NPIPB2: variants seen among roughly 807,000 people sequenced by gnomAD.
NPIPB2 encodes the protein nuclear pore complex interacting protein family member B2, also known as nuclear pore complex-interacting protein family member B2.
A neutral mutation model predicts 30.8 loss-of-function variants in NPIPB2; 27 were observed. That is an observed-to-expected ratio of 0.88 (90% CI 0.65 to 1.21). NPIPB2 has a LOEUF of 1.21. Ranked by LOEUF, NPIPB2 falls within the 50% of genes most tolerant of loss-of-function variation. NPIPB2 has a pLI of 0.00. For synonymous variants in NPIPB2, 147 were observed against 162.0 expected (o/e 0.91, Z 0.70); for missense variants, 440 against 446.2 (o/e 0.99, Z 0.13).
exon 4 of NPIPB2, chr16:11,933,705 C>T (rs758022842): frequency 3.8e-6 from 6 of 1,596,838 alleles, no homozygotes. Context: ...TACAAATGGA[C>T]CTCAGCCCTT....
At chr16:11,927,920 T>C in intron 7 of NPIPB2, 41 bp from the exon 8 acceptor site, 1 of 853,094 alleles carries the variant, frequency 1.2e-6, no homozygotes, top group South Asian at 1.8e-5. Flanking sequence ...ACATATTCAT[T>C]TGATGGACAA....
intron 1 of NPIPB2, among the ~76,000 whole-genome samples, chr16:11,940,866 G>A (rs2054929586): frequency 2.0e-5 from 3 of 149,928 alleles, no homozygotes; most frequent in African/African-American, 4.9e-5. Flanking sequence ...AGAGTGCAGC[G>A]GGGCCATCTC....
intron 1 of NPIPB2, among the ~76,000 whole-genome samples, chr16:11,951,666 A>ACACACACACACACACACACAC (rs1226047972): frequency 7.2e-6 from 1 of 138,874 alleles, no homozygotes; most frequent in Non-Finnish European, 1.6e-5. Context: ...ACACACACAC[A>ACACACACACACACACACACAC]CCCAGCCCCC....
chr16:11,975,143 T>TTTCTTTC (rs1239008774), intron 1 of NPIPB2, among the ~76,000 whole-genome samples: 1 of 52,764 alleles, frequency 1.9e-5, no homozygotes, highest in African/African-American at 7.7e-5. Context: ...TCCATCACCT[T>TTTCTTTC]TTTTTTTTTT....
intron 1 of NPIPB2, among the ~76,000 whole-genome samples, chr16:11,952,609 G>C (rs2055077792): frequency 6.7e-6 from 1 of 148,548 alleles, no homozygotes; most frequent in African/African-American, 2.5e-5. Context: ...CTGTCACCCA[G>C]GCTGAAGTGC....
chr16:11,966,150 ATTATG>A (rs760399024), intron 1 of NPIPB2: 27 of 1,534,720 alleles, frequency 1.8e-5, no homozygotes, highest in South Asian at 8.6e-5. Flanking sequence ...GTATGTGAAT[ATTATG>A]TTATCAGCTC....
At chr16:11,974,248 T>C (rs1272302204) in intron 1 of NPIPB2, among the ~76,000 whole-genome samples, 1 of 152,164 alleles carries the variant, frequency 6.6e-6, no homozygotes, top group Non-Finnish European at 1.5e-5. Flanking sequence ...CTGGGGTTGG[T>C]GGCTCATGCC....
intron 1 of NPIPB2, among the ~76,000 whole-genome samples, chr16:11,950,444 A>G (rs35063476): frequency 0.27 from 40,845 of 152,074 alleles, 6,656 homozygotes; most frequent in East Asian, 0.58. Flanking sequence ...TGCTGAGGTT[A>G]TAGGCCTGAA....
intron 1 of NPIPB2, among the ~76,000 whole-genome samples, chr16:11,961,763 G>C (rs944001087): frequency 6.8e-6 from 1 of 147,300 alleles, no homozygotes; most frequent in African/African-American, 2.5e-5. Context: ...CTGGGTGACA[G>C]AGTGAGACCC....
chr16:11,971,752 C>T (rs749399002), intron 1 of NPIPB2, among the ~76,000 whole-genome samples: 6 of 152,064 alleles, frequency 3.9e-5, no homozygotes, highest in East Asian at 1.9e-4. Context: ...TCCTCAGCCT[C>T]GCAAAGTGCT....
chr16:11,969,730 A>C (rs1391815079), intron 1 of NPIPB2, among the ~76,000 whole-genome samples: 2 of 152,210 alleles, frequency 1.3e-5, no homozygotes, highest in African/African-American at 4.8e-5. Context: ...GTGTAATCGC[A>C]AACTGTGATA....
chr16:11,938,838 T>G (rs2150915762), intron 1 of NPIPB2, among the ~76,000 whole-genome samples: 1 of 152,196 alleles, frequency 6.6e-6, no homozygotes, highest in Non-Finnish European at 1.5e-5. Flanking sequence ...AACCTCCGCC[T>G]CCCGGGTTCA....
intron 1 of NPIPB2, among the ~76,000 whole-genome samples, chr16:11,972,656 T>C (rs1269170357): frequency 7.0e-6 from 1 of 143,022 alleles, no homozygotes; most frequent in Non-Finnish European, 1.5e-5. Flanking sequence ...AGGCAGATCA[T>C]GAAGTCAAGA....
chr16:11,944,717 G>C (rs2054984841), upstream of NPIPB2, among the ~76,000 whole-genome samples: 1 of 97,322 alleles, frequency 1.0e-5, no homozygotes, highest in African/African-American at 4.1e-5. Context: ...AAGCAGAGAT[G>C]ACACAGACTC....
intron 4 of NPIPB2, among the ~76,000 whole-genome samples, chr16:11,932,364 A>T (rs1015560702): frequency 8.0e-5 from 12 of 150,024 alleles, no homozygotes; most frequent in African/African-American, 2.9e-4. Flanking sequence ...CAAGCATTGA[A>T]TTCAACAATC....
chr16:11,944,952 G>A (rs1218072063), upstream of NPIPB2, among the ~76,000 whole-genome samples: 1 of 151,510 alleles, frequency 6.6e-6, no homozygotes, highest in Non-Finnish European at 1.5e-5. Flanking sequence ...GTTGAGGTGG[G>A]TGGATCACCT....
At chr16:11,946,197 C>T (rs900156541), upstream of NPIPB2, among the ~76,000 whole-genome samples, 5 of 151,658 alleles carry the variant, frequency 3.3e-5, no homozygotes, top group South Asian at 4.1e-4. Flanking sequence ...ACCAGCCTGA[C>T]CAACATGTAG....
intron 1 of NPIPB2, among the ~76,000 whole-genome samples, chr16:11,947,707 T>C (rs550220559): frequency 5.9e-5 from 9 of 151,978 alleles, no homozygotes; most frequent in African/African-American, 2.2e-4. Flanking sequence ...TAAAAGTAAA[T>C]ATAATTTTTT....
At chr16:11,942,657 C>T (rs1475710951), upstream of NPIPB2, among the ~76,000 whole-genome samples, 1 of 152,034 alleles carries the variant, frequency 6.6e-6, no homozygotes, top group Non-Finnish European at 1.5e-5. Flanking sequence ...AAACAAAGTT[C>T]ATCAGCTTCT....
Sources: gnomAD v4.1 joint callset for allele counts (sites outside exome capture counted in the v4.1 genomes callset) on GRCh38, gnomAD v4.1.1 for gene constraint, MANE v1.5 for transcripts, NCBI Gene and HGNC (gene_info 2026-07-23, HGNC 2026-07-21) for gene names.